The following CYP4X1 variants were observed in gnomAD, a reference collection of about 807,000 sequenced individuals.
CYP4X1 encodes the protein cytochrome P450 4X1.
In CYP4X1, 44 loss-of-function variants were observed where a neutral mutation model predicts 57.9. The observed-to-expected ratio is 0.76, with a 90% CI of 0.60 to 0.98. The LOEUF is 0.98. Among genes scored for constraint, CYP4X1 ranks in the 50% least tolerant of loss-of-function variants. The pLI is 0.00. For synonymous variants in CYP4X1, 227 were observed against 228.6 expected (o/e 0.99, Z 0.06); for missense variants, 532 against 623.9 (o/e 0.85, Z 1.57).
At chr1:47,029,905 T>C in intron 1 of CYP4X1, 85 bp from the exon 2 acceptor site, 1 of 1,475,796 alleles carries the variant, frequency 6.8e-7, no homozygotes, top group Non-Finnish European at 9.2e-7. Flanking sequence ...TGTGTGACCT[T>C]ATCAGGTCCT....
chr1:47,006,540 T>G, the CYP4X1 span, among the ~76,000 whole-genome samples: 1 of 152,190 alleles, frequency 6.6e-6, no homozygotes, highest in African/African-American at 2.4e-5. Context: ...CATTTTCAAC[T>G]GAGGTACCGG....
At chr1:47,011,289 C>G in the CYP4X1 span, among the ~76,000 whole-genome samples, 1 of 152,004 alleles carries the variant, frequency 6.6e-6, no homozygotes, top group Non-Finnish European at 1.5e-5. Context: ...ACAAACCTGA[C>G]AAAAACAAGA....
At chr1:46,980,071 CAG>C in the CYP4X1 span, among the ~76,000 whole-genome samples, 5 of 152,166 alleles carry the variant, frequency 3.3e-5, no homozygotes, top group African/African-American at 4.8e-5. Context: ...TGGCACAAGA[CAG>C]GGGTGCCCTC....
chr1:47,016,620 T>C, the CYP4X1 span, among the ~76,000 whole-genome samples: 55,760 of 152,008 alleles, frequency 0.37, 12,036 homozygotes, highest in East Asian at 0.72. Flanking sequence ...GGATTACAGG[T>C]GTGAACCTCT....
At chr1:46,971,159 A>G in the CYP4X1 span, among the ~76,000 whole-genome samples, 9 of 152,286 alleles carry the variant, frequency 5.9e-5, no homozygotes, top group Non-Finnish European at 1.2e-4. Context: ...GCTCCCACTT[A>G]TAAGTGAGAA....
rs1644087047 is a variant in CYP4X1 at position 47,027,883 on chromosome 1, C to T, written c.178-2107C>T. On this transcript the variant is annotated intron_variant, in intron 1 of 11. Transcript: ENST00000371901. ...TATCTTGGCCCTTATCACTCTCTGA[C>T]ACTATACTGTATACTCTTTTGCTTG... 2.0e-5 allele frequency among the ~76,000 whole-genome samples: 3 copies of T among 152,076 alleles called. No individual in the cohort carries two copies. The South Asian group carries it at 6.2e-4, about 32-fold the overall frequency.
At chr1:46,980,006 C>T in the CYP4X1 span, among the ~76,000 whole-genome samples, 2 of 152,148 alleles carry the variant, frequency 1.3e-5, no homozygotes, top group African/African-American at 4.8e-5. Flanking sequence ...TTATGACAAA[C>T]CCACAGCCAA....
In CYP4X1 at chr1:47,050,112, C is replaced by G; in HGVS notation, c.1468C>G (p.His490Asp). 1 of 1,614,062 alleles carries G rather than the reference C, an allele frequency of 6.2e-7. No homozygotes were observed. Among genetic ancestry groups the G allele is most frequent in the Non-Finnish European group, 8.5e-7 (1 of 1,180,022 alleles). ...DPTRPLTFPN[H>D]FILKPKNGMY... Reference sequence around the variant, plus strand: ...CACCAGGCCTCTTACTTTCCCCAACCATTTTATCCTCAAGCCCAAGAATGG... The same window carrying G: ...CACCAGGCCTCTTACTTTCCCCAACGATTTTATCCTCAAGCCCAAGAATGG... The change falls in exon 12 of 12, where the codon CAT becomes GAT. Residue 490 changes from histidine to aspartate, a missense_variant. By Grantham distance (81) the His-to-Asp change is moderately conservative. Coordinates refer to ENST00000371901, the MANE Select transcript of CYP4X1 (RefSeq NM_178033.2).
chr1:47,002,776 G>A, the CYP4X1 span, among the ~76,000 whole-genome samples: 1 of 152,174 alleles, frequency 6.6e-6, no homozygotes, highest in Non-Finnish European at 1.5e-5. Context: ...ACGGTTTATT[G>A]TCCTCATTTT....
At chr1:47,029,924 CT>C in intron 1 of CYP4X1, 65 bp from the exon 2 acceptor site, 2 of 1,569,168 alleles carry the variant, frequency 1.3e-6, no homozygotes. Context: ...CTGAACTCAG[CT>C]TGTGTCTATA....
In CYP4X1 at chr1:47,033,369, G is replaced by C; in HGVS notation, c.492+1G>C. The C allele has an allele frequency of 6.2e-7, 1 of 1,613,644 alleles. No homozygotes were observed. The highest frequency in any genetic ancestry group is 8.5e-7 in the Non-Finnish European group (1 of 1,179,712). On this transcript the variant is annotated splice_donor_variant, in intron 4 of 11. Coordinates refer to ENST00000371901, the MANE Select transcript of CYP4X1 (RefSeq NM_178033.2). LOFTEE classifies it high-confidence loss of function. ...GGCTCATTCTGTGAAAATGATGCTG[G>C]TAAGTAAAGGGGGAAAGTGCTCTGT...
intron 4 of CYP4X1, among the ~76,000 whole-genome samples, chr1:47,033,689 A>G (rs1644148510): frequency 1.3e-5 from 2 of 152,220 alleles, no homozygotes; most frequent in South Asian, 4.1e-4. Flanking sequence ...AACCTACCCC[A>G]AAGTCTGAGG....
chr1:46,979,302 T>C, the CYP4X1 span, among the ~76,000 whole-genome samples: 1 of 152,146 alleles, frequency 6.6e-6, no homozygotes, highest in Non-Finnish European at 1.5e-5. Context: ...ATATCACCGC[T>C]GATCCCACAG....
intron 3 of CYP4X1, 118 bp from the exon 4 acceptor site, chr1:47,033,123 C>T: frequency 9.1e-7 from 1 of 1,094,602 alleles, no homozygotes; most frequent in Non-Finnish European, 1.3e-6. Context: ...TACTTTGATA[C>T]TCCACTGTTG....
At chr1:46,966,172 C>G in the CYP4X1 span, among the ~76,000 whole-genome samples, 1 of 152,228 alleles carries the variant, frequency 6.6e-6, no homozygotes, top group Non-Finnish European at 1.5e-5. Context: ...GGCTAGAATT[C>G]CAAACCAGTG....
the CYP4X1 span, chr1:46,967,695 A>G: frequency 1.2e-6 from 1 of 868,282 alleles, no homozygotes; most frequent in South Asian, 3.2e-5. Context: ...CCTTGTCCCC[A>G]CAATGGTTAG....
At position 47,040,915 on chromosome 1, in the gene CYP4X1, A is replaced by G. The variant is rs143767418; in HGVS notation, c.1073+1383A>G. On this transcript the variant is annotated intron_variant, in intron 8 of 11. Transcript: ENST00000371901. ...AACTTATGCCTCCTGTCTGACTGAA[A>G]TTTTGTATCCTTTGACTAACATCCC... Among the ~76,000 whole-genome samples the G allele has an allele frequency of 1.6e-3, 246 of 152,178 alleles. 1 individual carries two copies. Among genetic ancestry groups the G allele is most frequent in the African/African-American group, 5.7e-3 (236 of 41,542 alleles).
At chr1:46,979,791 G>T in the CYP4X1 span, among the ~76,000 whole-genome samples, 1 of 152,080 alleles carries the variant, frequency 6.6e-6, no homozygotes, top group South Asian at 2.1e-4. Flanking sequence ...GATGAAGTTG[G>T]CTTCATTCCT....
the CYP4X1 span, among the ~76,000 whole-genome samples, chr1:46,995,344 G>A: frequency 6.6e-6 from 1 of 152,010 alleles, no homozygotes; most frequent in Non-Finnish European, 1.5e-5. Flanking sequence ...GGCTTTACTA[G>A]GGAAGTGAAA....
Sources: gnomAD v4.1 joint callset for allele counts (sites outside exome capture counted in the v4.1 genomes callset) on GRCh38, gnomAD v4.1.1 for gene constraint, MANE v1.5 for transcripts, NCBI Gene and HGNC (gene_info 2026-07-23, HGNC 2026-07-21) for gene names.